Variants in NTNG1 observed in about 807,000 individuals in gnomAD.
NTNG1 encodes the protein netrin G1.
Under a neutral mutation model 54.0 loss-of-function variants are expected in NTNG1, and 16 were observed. That is an observed-to-expected ratio of 0.30 (90% confidence interval 0.20 to 0.45). The LOEUF (loss-of-function observed/expected upper bound fraction) is 0.45. Among genes scored for constraint, NTNG1 ranks in the 20% least tolerant of loss-of-function variants. The pLI is 1.00. For synonymous variants in NTNG1, 255 were observed against 263.1 expected (o/e 0.97, Z 0.30); for missense variants, 530 against 678.7 (o/e 0.78, Z 2.43).
chr1:107,478,473 C>A (rs770212383), intron 7 of NTNG1, among the ~76,000 whole-genome samples: 40 of 152,054 alleles, frequency 2.6e-4, no homozygotes, highest in Admixed American at 1.6e-3. Context: ...TCACCAGCTT[C>A]TTGAAAAAAG....
intron 3 of NTNG1, among the ~76,000 whole-genome samples, chr1:107,328,535 T>C (rs1327347741): frequency 6.6e-6 from 1 of 152,124 alleles, no homozygotes; most frequent in Non-Finnish European, 1.5e-5. Context: ...AGTAAATGTT[T>C]GTTCTGAACA....
chr1:107,239,854 T>A (rs1377083924), intron 2 of NTNG1, among the ~76,000 whole-genome samples: 1 of 152,160 alleles, frequency 6.6e-6, no homozygotes, highest in Non-Finnish European at 1.5e-5. Flanking sequence ...TGAAATAAAT[T>A]GAAGATAATA....
chr1:107,333,693 GC>G (rs1479815761), intron 3 of NTNG1, among the ~76,000 whole-genome samples: 23 of 151,750 alleles, frequency 1.5e-4, no homozygotes, highest in Non-Finnish European at 2.5e-4. Context: ...TATTTGCAGT[GC>G]TAAAAACAGA....
At chr1:107,342,327 G>A (rs72985579) in intron 3 of NTNG1, among the ~76,000 whole-genome samples, 33 of 152,052 alleles carry the variant, frequency 2.2e-4, no homozygotes, top group African/African-American at 4.8e-4. Flanking sequence ...AATTACAGAG[G>A]CATTACCATA....
At chr1:107,460,899 C>T (rs529940905) in intron 7 of NTNG1, among the ~76,000 whole-genome samples, 1 of 152,240 alleles carries the variant, frequency 6.6e-6, no homozygotes, top group South Asian at 2.1e-4. Flanking sequence ...TAGTTGTCAT[C>T]GGGTCTTAGA....
At chr1:107,417,880 G>A (rs489344) in intron 5 of NTNG1, among the ~76,000 whole-genome samples, 144,152 of 152,124 alleles carry the variant, frequency 0.95, 68,671 homozygotes, top group East Asian at 1. Flanking sequence ...AATAATACCA[G>A]TTCTTAAATT....
At chr1:107,165,827 A>G (rs1655751640) in intron 2 of NTNG1, among the ~76,000 whole-genome samples, 1 of 152,182 alleles carries the variant, frequency 6.6e-6, no homozygotes, top group Non-Finnish European at 1.5e-5. Context: ...CTCATGAAGA[A>G]TCTGGCAGAA....
chr1:107,307,581 C>G (rs984433633), intron 2 of NTNG1, among the ~76,000 whole-genome samples: 2 of 152,158 alleles, frequency 1.3e-5, no homozygotes, highest in Non-Finnish European at 2.9e-5. Context: ...GATGCCAACT[C>G]TGAGAAAAGA....
At chr1:107,415,730 C>T (rs482474) in intron 5 of NTNG1, among the ~76,000 whole-genome samples, 116,629 of 152,064 alleles carry the variant, frequency 0.77, 45,782 homozygotes, top group East Asian at 0.98. Flanking sequence ...ATATTGTTGA[C>T]GTATTATAAT....
intron 6 of NTNG1, among the ~76,000 whole-genome samples, chr1:107,431,411 G>A (rs1675257938): frequency 1.3e-5 from 2 of 152,132 alleles, no homozygotes; most frequent in South Asian, 2.1e-4. Flanking sequence ...CTAGCAACTG[G>A]AAATGTAAAA....
Position 107,148,791 on chromosome 1 carries a change from T to A in NTNG1, c.198T>A (p.Asp66Glu). The A allele has an allele frequency of 6.2e-7, 1 of 1,613,682 alleles. No homozygotes were observed. Reference protein sequence around the residue: ...DMTKYLKVKLDPPDITCGDPP... With the variant: ...DMTKYLKVKLEPPDITCGDPP... ...CAAAATATCTGAAAGTGAAACTCGA[T>A]CCTCCGGATATTACCTGTGGAGACC... Residue 66 changes from aspartate (D) to glutamate (E), a missense_variant, in exon 2 of 8, where the codon GAT becomes GAA. Coordinates refer to ENST00000370068, the MANE Select transcript of NTNG1 (RefSeq NM_001113226.3).
intron 3 of NTNG1, among the ~76,000 whole-genome samples, chr1:107,386,805 A>G (rs2101054995): frequency 6.6e-6 from 1 of 152,334 alleles, no homozygotes; most frequent in Non-Finnish European, 1.5e-5. Context: ...GAACTGCCAG[A>G]CTATTTTGCA....
intron 3 of NTNG1, among the ~76,000 whole-genome samples, chr1:107,333,619 G>A (rs1668405733): frequency 7.4e-6 from 1 of 136,002 alleles, no homozygotes; most frequent in African/African-American, 2.8e-5. Context: ...AAGATTGAAG[G>A]AAATACATGA....
At chr1:107,222,799 CTTT>C (rs113401472) in intron 2 of NTNG1, among the ~76,000 whole-genome samples, 5 of 109,050 alleles carry the variant, frequency 4.6e-5, no homozygotes, top group African/African-American at 7.3e-5. Flanking sequence ...ACCAGTGCTG[CTTT>C]TTTTTTTTTT....
At chr1:107,479,869 C>T (rs1043317634) in intron 7 of NTNG1, among the ~76,000 whole-genome samples, 3 of 152,160 alleles carry the variant, frequency 2.0e-5, no homozygotes, top group Non-Finnish European at 4.4e-5. Context: ...TTTTGGTAAT[C>T]AGGGTTTCAC....
chr1:107,307,456 C>A (rs114611709), intron 2 of NTNG1, among the ~76,000 whole-genome samples: 1 of 152,236 alleles, frequency 6.6e-6, no homozygotes, highest in African/African-American at 2.4e-5. Flanking sequence ...CCATGTCAAG[C>A]TCTTTTTAAA....
chr1:107,373,877 T>G (rs1671075127), intron 3 of NTNG1, among the ~76,000 whole-genome samples: 1 of 152,106 alleles, frequency 6.6e-6, no homozygotes. Context: ...TTTTAAATTA[T>G]TTTTTGTAAA....
chr1:107,461,487 C>T lies in NTNG1; in HGVS notation c.1391-19124C>T, dbSNP rs574942354. ...AAGAGGAAGATAAACACCAGATCAC[C>T]CATCCTTGAAGGCCAACACTAGAGA... On this transcript the variant is annotated intron_variant, in intron 7 of 7. Coordinates refer to ENST00000370068, the MANE Select transcript of NTNG1 (RefSeq NM_001113226.3). Among the ~76,000 whole-genome samples, 23 of 152,130 alleles carry T rather than the reference C, an allele frequency of 1.5e-4. 1 individual carries two copies. The highest frequency in any genetic ancestry group is 5.5e-4 in the African/African-American group (23 of 41,508).
At chr1:107,429,811 G>A (rs1292288873) in intron 5 of NTNG1, among the ~76,000 whole-genome samples, 1 of 152,038 alleles carries the variant, frequency 6.6e-6, no homozygotes, top group Non-Finnish European at 1.5e-5. Flanking sequence ...TTTTTAAAAG[G>A]TTGAATTGGA....
Sources: allele counts gnomAD v4.1 joint callset (sites outside exome capture counted in the v4.1 genomes callset), GRCh38; gene constraint gnomAD v4.1.1; transcripts MANE v1.5; gene names NCBI Gene and HGNC (gene_info 2026-07-23, HGNC 2026-07-21).